The following IGDCC3 variants were observed in gnomAD, a reference collection of about 807,000 sequenced individuals.
The protein encoded by IGDCC3 is putative neuronal cell adhesion molecule.
Under a neutral mutation model 72.0 loss-of-function variants are expected in IGDCC3, and 47 were observed. The observed-to-expected ratio is 0.65, with a 90% CI of 0.52 to 0.83. The LOEUF is 0.83. IGDCC3 is among the 40% of genes least tolerant of loss of function. The pLI is 0.00. For synonymous variants in IGDCC3, 477 were observed against 472.8 expected, an observed-to-expected ratio of 1.01 and a Z score of -0.11; for missense variants, 1,038 against 1,091.3, an observed-to-expected ratio of 0.95 and a Z score of 0.69.
At position 65,330,293 on chromosome 15, in the gene IGDCC3, C is replaced by T. The variant is rs1283343834; in HGVS notation, c.1858G>A (p.Ala620Thr). The change falls in exon 11 of 14, where the codon GCC (alanine) becomes ACC (threonine). Residue 620 changes from alanine (A) to threonine (T), a missense_variant and splice_region_variant. Transcript: ENST00000327987. ...VSLRGASERTALSPPCDCRKE... is the reference protein window; with the variant it reads ...VSLRGASERTTLSPPCDCRKE... ...CCCGCACTCCATCCCCAGCCCTCAC[C>T]TGTCCTCTCAGATGCTCCCCTCAAA... 1 of 1,609,992 alleles carries T rather than the reference C, an allele frequency of 6.2e-7. No homozygotes were observed. The highest frequency in any genetic ancestry group is 8.5e-7 in the Non-Finnish European group (1 of 1,176,758).
intron 2 of IGDCC3, among the ~76,000 whole-genome samples, chr15:65,348,990 C>T (rs2091149851): frequency 6.6e-6 from 1 of 152,204 alleles, no homozygotes. Context: ...AGTGTCACTG[C>T]AATGGGTGGG....
chr15:65,336,034 C>G, intron 2 of IGDCC3, 78 bp from the exon 3 acceptor site: 8 of 1,476,348 alleles, frequency 5.4e-6, no homozygotes, highest in Non-Finnish European at 7.5e-6. Flanking sequence ...AGTGGCGTCA[C>G]AGGCACGGAG....
rs1276254245 is a variant in IGDCC3, at chr15:65,329,196, C to T, written c.2206-48G>A. 6.4e-7 allele frequency: 1 copy of T among 1,564,622 alleles called. No homozygotes were observed. Among genetic ancestry groups the T allele is most frequent in the Admixed American group, 1.9e-5 (1 of 52,334 alleles). On this transcript the variant is annotated intron_variant, in intron 13 of 13. Transcript: ENST00000327987. The surrounding 1 kb of genome is among the most constrained non-coding windows in gnomAD (Gnocchi z 4.1). ...AGGCGTCAGCTTGAGGGCCAGGGCG[C>T]CAGGCTCCAACTCACCCCACTTGGG... is the stretch of plus-strand genomic sequence containing the variant.
At chr15:65,346,182 T>A (rs1034270383) in intron 2 of IGDCC3, among the ~76,000 whole-genome samples, 5 of 152,120 alleles carry the variant, frequency 3.3e-5, no homozygotes, top group African/African-American at 9.7e-5. Context: ...TCACCCCCAC[T>A]AATGGGCACT....
At chr15:65,334,923 C>T (rs542840775) in intron 4 of IGDCC3, 58 bp from the exon 5 acceptor site, 1 of 1,557,152 alleles carries the variant, frequency 6.4e-7, no homozygotes, top group Admixed American at 1.9e-5. Flanking sequence ...GCTTCCTCAC[C>T]CCACCCACAG....
At chr15:65,347,991 G>T (rs1434763680) in intron 2 of IGDCC3, among the ~76,000 whole-genome samples, 2 of 151,940 alleles carry the variant, frequency 1.3e-5, no homozygotes, top group East Asian at 3.9e-4. Flanking sequence ...CAAAAAACAG[G>T]TTGCAGTAAA....
In IGDCC3 at chr15:65,375,353, A is replaced by C. The variant is rs748485235; in HGVS notation, c.153T>G (p.Asp51Glu). ...CTATAGGCTGCCCGGGGACGGCAAC[A>C]TCATCACTTGGCTCCACAGCAAATG... is the stretch of plus-strand genomic sequence containing the variant. ...ELAFAVEPSD[D>E]VAVPGQPIVL... Residue 51 changes from aspartate to glutamate, a missense_variant, in exon 2 of 14, where the codon GAT becomes GAG. Coordinates refer to ENST00000327987, the MANE Select transcript of IGDCC3 (RefSeq NM_004884.4). 1.9e-6 allele frequency: 3 copies of C among 1,610,370 alleles called. No individual in the cohort carries two copies. The highest frequency in any genetic ancestry group is 1.7e-6 in the Non-Finnish European group (2 of 1,176,944).
intron 2 of IGDCC3, among the ~76,000 whole-genome samples, chr15:65,352,101 T>C (rs948735023): frequency 1.3e-5 from 2 of 152,210 alleles, no homozygotes; most frequent in African/African-American, 4.8e-5. Flanking sequence ...AGGAGTCAAC[T>C]GAATTAACTG....
chr15:65,361,152 G>A (rs920255753), intron 2 of IGDCC3, among the ~76,000 whole-genome samples: 3 of 152,032 alleles, frequency 2.0e-5, no homozygotes, highest in Admixed American at 6.6e-5. Context: ...CTGGCCTACC[G>A]GCACAGTGGC....
chr15:65,331,718 C>T (rs1367353775), intron 7 of IGDCC3, 59 bp from the exon 8 acceptor site: 1 of 1,507,106 alleles, frequency 6.6e-7, no homozygotes, highest in Non-Finnish European at 8.9e-7. Context: ...CCAAATCTCC[C>T]CATTTGAAAG....
chr15:65,346,153 C>A (rs1330628812), intron 2 of IGDCC3, among the ~76,000 whole-genome samples: 1 of 152,206 alleles, frequency 6.6e-6, no homozygotes, highest in Admixed American at 6.5e-5. Context: ...CAAATAAGCA[C>A]CATGATAAGG....
Position 65,333,075 on chromosome 15 carries a change from A to G in IGDCC3, c.982+182T>C, listed in dbSNP as rs1240969021. ...GACCAAGACCATCCACCCATTCCCA[A>G]CGCAAGCATTCCTCGGGAAGAACGC... On this transcript the variant is annotated intron_variant, in intron 6 of 13. Coordinates refer to ENST00000327987, the MANE Select transcript of IGDCC3 (RefSeq NM_004884.4). Among the ~76,000 whole-genome samples the G allele has an allele frequency of 2.0e-5, 3 of 152,074 alleles. No homozygotes were observed. The East Asian group carries it at 5.8e-4, about 29-fold the overall frequency.
At position 65,328,853 on chromosome 15, in the gene IGDCC3, T is replaced by C; in HGVS notation, c.*56A>G. 2.0e-6 allele frequency: 3 copies of C among 1,486,978 alleles called. No individual in the cohort carries two copies. Among genetic ancestry groups the C allele is most frequent in the Non-Finnish European group, 2.7e-6 (3 of 1,118,798 alleles). The allele number at this position is 1,486,978 out of a possible 1,614,324, so 92.1% of individuals were successfully genotyped here. On this transcript the variant is annotated 3_prime_UTR_variant, in exon 14 of 14. Coordinates refer to ENST00000327987, the MANE Select transcript of IGDCC3 (RefSeq NM_004884.4). Reference sequence around the variant, plus strand: ...CCCACATGACAGTAGAAATCTTGCTTTTGACCTGAGAATGGGCCCCGCTCC... The same window carrying C: ...CCCACATGACAGTAGAAATCTTGCTCTTGACCTGAGAATGGGCCCCGCTCC...
intron 2 of IGDCC3, among the ~76,000 whole-genome samples, 193 bp from the exon 3 acceptor site, chr15:65,336,149 C>T (rs1314793796): frequency 6.6e-6 from 1 of 152,170 alleles, no homozygotes; most frequent in Non-Finnish European, 1.5e-5. Context: ...GAAACATCTC[C>T]CCTGAGAGGT....
At position 65,363,939 on chromosome 15, in the gene IGDCC3, C is replaced by T. The variant is rs143358955; in HGVS notation, c.409+11158G>A. 5.8e-3 allele frequency among the ~76,000 whole-genome samples: 890 copies of T among 152,264 alleles called. 8 individuals carry two copies. The highest frequency in any genetic ancestry group is 0.02 in the African/African-American group (842 of 41,552). On this transcript the variant is annotated intron_variant, in intron 2 of 13. Transcript: ENST00000327987. Reference sequence around the variant, plus strand: ...AACCCATTCCCAGCCAGCTCTTGCCCGCCTCACAGGTAGAGCAAGACTTGT... The same window carrying T: ...AACCCATTCCCAGCCAGCTCTTGCCTGCCTCACAGGTAGAGCAAGACTTGT...
chr15:65,335,187 G>A, intron 4 of IGDCC3, 104 bp downstream of exon 4: 1 of 1,269,806 alleles, frequency 7.9e-7, no homozygotes, highest in Non-Finnish European at 1.1e-6. Context: ...GCACGCACGT[G>A]GCTGAGAAGG....
intron 2 of IGDCC3, among the ~76,000 whole-genome samples, chr15:65,356,544 T>G (rs1234696050): frequency 6.6e-6 from 1 of 151,994 alleles, no homozygotes; most frequent in South Asian, 2.1e-4. Flanking sequence ...TGGCTCAACT[T>G]AGAAATCAAT....
At chr15:65,331,342 G>C in intron 8 of IGDCC3, 70 bp downstream of exon 8, 14 of 1,567,290 alleles carry the variant, frequency 8.9e-6, no homozygotes, top group Non-Finnish European at 1.2e-5. Flanking sequence ...ATCGGGTCAC[G>C]ACGTGCAGGA....
At chr15:65,344,909 C>T (rs925885163) in intron 2 of IGDCC3, among the ~76,000 whole-genome samples, 1 of 152,120 alleles carries the variant, frequency 6.6e-6, no homozygotes, top group Non-Finnish European at 1.5e-5. Flanking sequence ...TAGTGGTAGC[C>T]TCTTACATTC....
Sources: allele counts gnomAD v4.1 joint callset (sites outside exome capture counted in the v4.1 genomes callset), GRCh38; gene constraint gnomAD v4.1.1; non-coding constraint Gnocchi (gnomAD v3.1); transcripts MANE v1.5; gene names NCBI Gene and HGNC (gene_info 2026-07-23, HGNC 2026-07-21).